P4HA3: variants seen among roughly 807,000 people sequenced by gnomAD.
P4HA3 encodes the protein prolyl 4-hydroxylase subunit alpha 3.
P4HA3 carries 60 observed loss-of-function variants against 66.7 expected under a neutral mutation model. The observed-to-expected ratio is 0.90, with a 90% CI of 0.73 to 1.12. The LOEUF (loss-of-function observed/expected upper bound fraction) is 1.12, where lower values mean the gene tolerates loss of function less well. Ranked by LOEUF, P4HA3 falls within the 50% of genes most tolerant of loss-of-function variation. The pLI is 0.00. For synonymous variants in P4HA3, 263 were observed against 274.6 expected, an observed-to-expected ratio of 0.96 and a Z score of 0.42; for missense variants, 683 against 685.8, an observed-to-expected ratio of 1.00 and a Z score of 0.05.
chr11:74,274,988 G>C (rs1293334359), intron 9 of P4HA3, among the ~76,000 whole-genome samples: 1 of 151,868 alleles, frequency 6.6e-6, no homozygotes, highest in Non-Finnish European at 1.5e-5. Context: ...TTTTGGAGAG[G>C]TGCCTACTCA....
intron 3 of P4HA3, among the ~76,000 whole-genome samples, chr11:74,301,615 A>C (rs970259798): frequency 6.6e-6 from 1 of 152,226 alleles, no homozygotes; most frequent in Non-Finnish European, 1.5e-5. Context: ...AATACACCTT[A>C]CTGCAATAAA....
intron 9 of P4HA3, among the ~76,000 whole-genome samples, chr11:74,276,747 A>C (rs945944048): frequency 2.0e-5 from 3 of 152,208 alleles, no homozygotes; most frequent in South Asian, 2.1e-4. Context: ...CGATGATTCC[A>C]TGACAAGCCA....
intron 15 of P4HA3, among the ~76,000 whole-genome samples, chr11:74,256,652 AAAG>A (rs1241116909): frequency 2.6e-5 from 4 of 152,208 alleles, no homozygotes; most frequent in Admixed American, 2.6e-4. Flanking sequence ...GGAAGGGAAT[AAAG>A]AAGGAGATCC....
chr11:74,269,596 G>C (rs1032040770), intron 11 of P4HA3, 56 bp downstream of exon 11: 1 of 1,547,764 alleles, frequency 6.5e-7, no homozygotes, highest in African/African-American at 1.4e-5. Flanking sequence ...GTGAAGGTTA[G>C]AGGGTAAGCG....
At chr11:74,306,059 G>T (rs1417116067) in intron 1 of P4HA3, among the ~76,000 whole-genome samples, 2 of 152,082 alleles carry the variant, frequency 1.3e-5, no homozygotes, top group Non-Finnish European at 2.9e-5. Context: ...ATGTGTGAGA[G>T]GGTGGGGAGG....
chr11:74,289,622 T>A (rs1199272670), intron 4 of P4HA3, among the ~76,000 whole-genome samples: 1 of 120,572 alleles, frequency 8.3e-6, no homozygotes, highest in African/African-American at 3.3e-5. Flanking sequence ...CAGTCCCTGG[T>A]GTGTGATGTT....
At chr11:74,307,613 C>T (rs1861614663) in intron 1 of P4HA3, among the ~76,000 whole-genome samples, 2 of 152,200 alleles carry the variant, frequency 1.3e-5, no homozygotes, top group African/African-American at 4.8e-5. Context: ...GAGCACATAG[C>T]GGTTTCCAGA....
downstream of P4HA3, among the ~76,000 whole-genome samples, chr11:74,262,998 A>C (rs1415608900): frequency 3.9e-5 from 6 of 152,238 alleles, no homozygotes; most frequent in African/African-American, 1.2e-4. Context: ...CTCTACAGGC[A>C]TGCATTCTTA....
intron 5 of P4HA3, 23 bp downstream of exon 5, chr11:74,289,056 C>A: frequency 1.3e-6 from 2 of 1,502,210 alleles, no homozygotes; most frequent in Admixed American, 4.2e-5. Context: ...CTGTGGCTGG[C>A]TTATCTTTTA....
chr11:74,258,530 A>T (rs1859861631), intron 15 of P4HA3, among the ~76,000 whole-genome samples: 1 of 152,148 alleles, frequency 6.6e-6, no homozygotes, highest in Admixed American at 6.5e-5. Flanking sequence ...AGTGCCTCCT[A>T]CAGATGAGGA....
intron 7 of P4HA3, among the ~76,000 whole-genome samples, chr11:74,280,412 G>A (rs1187104029): frequency 1.3e-5 from 2 of 152,020 alleles, no homozygotes; most frequent in Non-Finnish European, 1.5e-5. Context: ...CTCCCACCTC[G>A]GCCTCCCAAA....
At chr11:74,275,433 G>A (rs1351452398) in intron 9 of P4HA3, among the ~76,000 whole-genome samples, 3 of 152,148 alleles carry the variant, frequency 2.0e-5, no homozygotes, top group South Asian at 2.1e-4. Context: ...TGAAAAGATT[G>A]TATTTTCTTC....
intron 11 of P4HA3, among the ~76,000 whole-genome samples, 166 bp downstream of exon 11, chr11:74,269,486 C>T (rs116408174): frequency 3.9e-5 from 6 of 152,122 alleles, no homozygotes; most frequent in African/African-American, 1.4e-4. Context: ...AGCATGTGTG[C>T]GGTAGTAAAG....
At chr11:74,251,133 C>A in intron 15 of P4HA3, 1 of 1,512,838 alleles carries the variant, frequency 6.6e-7, no homozygotes, top group Non-Finnish European at 8.9e-7. Context: ...GCTGTGGAGC[C>A]TATGCAGATG....
chr11:74,280,922 C>T (rs953568949), intron 7 of P4HA3, among the ~76,000 whole-genome samples: 1 of 152,172 alleles, frequency 6.6e-6, no homozygotes, highest in Admixed American at 6.5e-5. Context: ...AAAGAAACTA[C>T]CATCAGAGTG....
chr11:74,286,709 C>T (rs1192632527), intron 5 of P4HA3, among the ~76,000 whole-genome samples: 3 of 152,104 alleles, frequency 2.0e-5, no homozygotes, highest in Non-Finnish European at 1.5e-5. Context: ...GTATATATGG[C>T]GAAGATGAAG....
intron 1 of P4HA3, among the ~76,000 whole-genome samples, chr11:74,309,478 A>T (rs1565425256): frequency 2.0e-5 from 3 of 151,876 alleles, no homozygotes; most frequent in African/African-American, 7.3e-5. Flanking sequence ...GGGGATTTTG[A>T]CCCCCCACTC....
At chr11:74,306,607 T>G (rs1272878913) in intron 1 of P4HA3, among the ~76,000 whole-genome samples, 2 of 152,202 alleles carry the variant, frequency 1.3e-5, no homozygotes, top group Non-Finnish European at 2.9e-5. Flanking sequence ...GGGCGACTTC[T>G]GCGAGGAGAC....
Position 74,304,282 on chromosome 11 carries a change from C to T in P4HA3, c.331G>A (p.Glu111Lys). ...TCCTCCTCATTACCTCGGATGTTCT[C>T]ACTGGCCTCCAGACTATGTACCACA... is the stretch of plus-strand genomic sequence containing the variant. The part of the protein sequence containing the change: ...RNVVHSLEAS[E>K]NIRALKDGYE... Residue 111 changes from glutamate to lysine, a missense_variant, in exon 2 of 13, where the codon GAG (glutamate) becomes AAG (lysine). Transcript: ENST00000331597. 6.2e-7 allele frequency: 1 copy of T among 1,613,884 alleles called. No homozygotes were observed. Among genetic ancestry groups the T allele is most frequent in the Non-Finnish European group, 8.5e-7 (1 of 1,179,894 alleles).
Sources: gnomAD v4.1 joint callset for allele counts (sites outside exome capture counted in the v4.1 genomes callset) on GRCh38, gnomAD v4.1.1 for gene constraint, MANE v1.5 for transcripts, NCBI Gene and HGNC (gene_info 2026-07-23, HGNC 2026-07-21) for gene names.